Variants in INTU observed in about 807,000 individuals in gnomAD.
INTU encodes inturned planar cell polarity protein.
A neutral mutation model predicts 100.5 loss-of-function variants in INTU; 68 were observed. That is an observed-to-expected ratio of 0.68 (90% CI 0.56 to 0.83). INTU has a LOEUF of 0.83. Among genes scored for constraint, INTU ranks in the 40% least tolerant of loss-of-function variants. INTU has a pLI of 0.00. For synonymous variants in INTU, 357 were observed against 395.7 expected (o/e 0.90, Z 1.16); for missense variants, 1,071 against 1,114.7 (o/e 0.96, Z 0.56).
intron 2 of INTU, among the ~76,000 whole-genome samples, chr4:127,652,019 T>C (rs1414416632): frequency 8.2e-5 from 12 of 147,074 alleles, no homozygotes; most frequent in African/African-American, 1.5e-4. Context: ...GGCTCTCTGT[T>C]TGTCTGTTAT....
chr4:127,650,298 G>A (rs1433358720), intron 2 of INTU, among the ~76,000 whole-genome samples: 1 of 151,484 alleles, frequency 6.6e-6, no homozygotes, highest in African/African-American at 2.4e-5. Context: ...ATGTATACAT[G>A]TGCCATGCTG....
intron 1 of INTU, 54 bp from the exon 2 acceptor site, chr4:127,643,467 C>T (rs1727421933): frequency 6.9e-7 from 1 of 1,447,438 alleles, no homozygotes; most frequent in Non-Finnish European, 9.3e-7. Flanking sequence ...GGATGACATA[C>T]CTTTCTTTTA....
At chr4:127,704,171 G>T in intron 9 of INTU, 57 bp from the exon 10 acceptor site, 1 of 1,407,000 alleles carries the variant, frequency 7.1e-7, no homozygotes, top group Non-Finnish European at 9.9e-7. Context: ...TAGCTTAATT[G>T]GAATTTTTAT....
intron 3 of INTU, among the ~76,000 whole-genome samples, chr4:127,657,410 GGGGGGATAGGGAA>G (rs1728282047): frequency 1.3e-5 from 2 of 151,906 alleles, no homozygotes; most frequent in South Asian, 4.2e-4. Flanking sequence ...TTCTCTTTTT[GGGGGGATAGGGAA>G]GATTATATGC....
chr4:127,705,196 A>C (rs536669536), intron 10 of INTU, among the ~76,000 whole-genome samples: 6 of 152,350 alleles, frequency 3.9e-5, no homozygotes, highest in African/African-American at 1.4e-4. Context: ...TTTATTTTTA[A>C]AAAAGGATTT....
chr4:127,698,155 G>A (rs961174251), intron 8 of INTU, among the ~76,000 whole-genome samples: 6 of 151,774 alleles, frequency 4.0e-5, no homozygotes, highest in African/African-American at 1.2e-4. Context: ...GTGTGAGGCC[G>A]GCCGCAGTGG....
intron 8 of INTU, among the ~76,000 whole-genome samples, chr4:127,695,593 A>G (rs530873639): frequency 1.1e-4 from 17 of 152,322 alleles, no homozygotes; most frequent in Admixed American, 2.0e-4. Context: ...AAATTGTAAT[A>G]TATAAGATTG....
intron 1 of INTU, among the ~76,000 whole-genome samples, chr4:127,640,578 TATATATATATATACATATAC>T (rs199904059): frequency 1.1e-4 from 6 of 53,682 alleles, no homozygotes; most frequent in African/African-American, 4.2e-4. Context: ...TATATATATA[TATATATATATATACATATAC>T]ATAAACACAC....
intron 3 of INTU, 68 bp downstream of exon 3, chr4:127,656,789 A>G (rs758122547): frequency 8.7e-5 from 86 of 991,614 alleles, no homozygotes; most frequent in Middle Eastern, 3.0e-4. Flanking sequence ...ATCGTGCACT[A>G]TTTTCCTTTT....
Position 127,716,463 on chromosome 4 carries a change from C to A in INTU, c.*27C>A. 1 of 1,086,816 alleles carries A rather than the reference C, an allele frequency of 9.2e-7. No individual in the cohort carries two copies. The highest frequency in any genetic ancestry group is 2.3e-5 in the Admixed American group (1 of 43,830). The allele number at this position is 1,086,816 out of a possible 1,614,324, so 67.3% of individuals were successfully genotyped here. A position where few individuals can be genotyped will look rare whatever the true frequency, so the allele number is the denominator to read the frequency against. ...TGTGCTTTCTTGATGCGTAGAAACA[C>A]GTGCATGGAGGATCAAACACTGTCA... On this transcript the variant is annotated 3_prime_UTR_variant, in exon 16 of 16. Transcript: ENST00000335251.
intron 12 of INTU, 55 bp downstream of exon 12, chr4:127,707,024 T>A: frequency 6.5e-7 from 1 of 1,530,280 alleles, no homozygotes. Context: ...TCTCCAGTCC[T>A]TGTTTTATAA....
At chr4:127,709,560 T>C (rs764978907) in intron 13 of INTU, among the ~76,000 whole-genome samples, 10 of 152,198 alleles carry the variant, frequency 6.6e-5, no homozygotes, top group Non-Finnish European at 1.0e-4. Context: ...TGAAATGTTA[T>C]ATATTCACTT....
intron 6 of INTU, among the ~76,000 whole-genome samples, chr4:127,674,743 G>A (rs984927715): frequency 8.5e-5 from 13 of 152,156 alleles, no homozygotes; most frequent in South Asian, 4.1e-4. Context: ...GGAGGTAAAA[G>A]CAGGATTGAC....
At chr4:127,690,628 T>G (rs1730073355) in intron 8 of INTU, among the ~76,000 whole-genome samples, 1 of 152,226 alleles carries the variant, frequency 6.6e-6, no homozygotes, top group Non-Finnish European at 1.5e-5. Context: ...AGTCTAAAGC[T>G]CTATTTGATT....
chr4:127,709,652 G>T (rs1257814091), intron 13 of INTU, among the ~76,000 whole-genome samples: 1 of 150,688 alleles, frequency 6.6e-6, no homozygotes, highest in Non-Finnish European at 1.5e-5. Flanking sequence ...GGGATCAACT[G>T]GTGTAATAAA....
At chr4:127,670,301 T>C (rs924554833) in intron 5 of INTU, among the ~76,000 whole-genome samples, 7 of 151,896 alleles carry the variant, frequency 4.6e-5, no homozygotes, top group Admixed American at 2.6e-4. Flanking sequence ...AGGCTTTAAC[T>C]TTTTTTCCCC....
chr4:127,670,696 C>T (rs1728886979), intron 5 of INTU, among the ~76,000 whole-genome samples: 1 of 151,958 alleles, frequency 6.6e-6, no homozygotes, highest in African/African-American at 2.4e-5. Context: ...ATCACATCAC[C>T]TGACTTCAAA....
At chr4:127,637,006 T>G (rs1317197053) in intron 1 of INTU, among the ~76,000 whole-genome samples, 1 of 152,212 alleles carries the variant, frequency 6.6e-6, no homozygotes, top group Non-Finnish European at 1.5e-5. Flanking sequence ...TAATTCATTG[T>G]CTTCCATTTC....
At position 127,716,763 on chromosome 4, in the gene INTU, AT is replaced by A. The variant is rs1415060898; in HGVS notation, c.*329del. 1 of 159,242 alleles carries A rather than the reference AT, an allele frequency of 6.3e-6. No individual in the cohort carries two copies. Among genetic ancestry groups the A allele is most frequent in the Non-Finnish European group, 1.4e-5 (1 of 72,726 alleles). The allele number at this position is 159,242 out of a possible 1,614,324, so 9.9% of individuals were successfully genotyped here. Reference sequence around the variant, plus strand: ...TATCAGATTAATATAGGAAATGTTTATTCTTGAAAAATACTCAATTTGTTGT... The same window carrying A: ...TATCAGATTAATATAGGAAATGTTTATCTTGAAAAATACTCAATTTGTTGT... On this transcript the variant is annotated 3_prime_UTR_variant, in exon 16 of 16. Coordinates refer to ENST00000335251, the MANE Select transcript of INTU (RefSeq NM_015693.4).
Sources: allele counts gnomAD v4.1 joint callset (sites outside exome capture counted in the v4.1 genomes callset), GRCh38; gene constraint gnomAD v4.1.1; transcripts MANE v1.5; gene names NCBI Gene and HGNC (gene_info 2026-07-23, HGNC 2026-07-21).